THSD7B: variants seen among roughly 807,000 people sequenced by gnomAD.
THSD7B encodes thrombospondin type-1 domain-containing protein 7B.
Under a neutral mutation model 213.6 loss-of-function variants are expected in THSD7B, and 138 were observed. That is an observed-to-expected ratio of 0.65 (90% CI 0.56 to 0.74). The LOEUF is 0.74. Among genes scored for constraint, THSD7B ranks in the 30% least tolerant of loss-of-function variants. The probability of loss-of-function intolerance (pLI) is 0.00; values close to 1 mark genes in which losing one functional copy is unlikely to be tolerated. For missense variants in THSD7B, 1,931 were observed against 1,991.5 expected (o/e 0.97, Z 0.58); for synonymous variants, 742 against 687.0 (o/e 1.08, Z -1.25).
At chr2:137,519,964 C>A (rs558327522) in intron 15 of THSD7B, among the ~76,000 whole-genome samples, 1 of 152,218 alleles carries the variant, frequency 6.6e-6, no homozygotes, top group Admixed American at 6.5e-5. Flanking sequence ...TCCTTTCTGA[C>A]GTGGAAAGAA....
At position 137,088,608 on chromosome 2, in the gene THSD7B, T is replaced by TAA. The variant is rs55700826; in HGVS notation, c.951-6251_951-6250dup. ...ACCAAGAGCCCAAAAGCAAATGCAA[T>TAA]AAAAAAAAAAAAAAATAGCTGGGAC... is the stretch of plus-strand genomic sequence containing the variant. On this transcript the variant is annotated intron_variant, in intron 3 of 27. Transcript: ENST00000409968. 6.3e-3 allele frequency among the ~76,000 whole-genome samples: 883 copies of TAA among 141,088 alleles called. 8 individuals are homozygous for TAA. The highest frequency in any genetic ancestry group is 0.019 in the East Asian group (93 of 4,848). 92.6% of individuals were successfully genotyped at this position (141,088 alleles called of 152,430 possible).
chr2:137,178,347 G>A (rs1194718576), intron 7 of THSD7B, among the ~76,000 whole-genome samples: 2 of 152,160 alleles, frequency 1.3e-5, no homozygotes, highest in African/African-American at 4.8e-5. Flanking sequence ...GCTGTCTTTT[G>A]CAGACCACCA....
At position 137,412,622 on chromosome 2, in the gene THSD7B, A is replaced by AC. The variant is rs1686689364; in HGVS notation, c.2959+750_2959+751insC. Among the ~76,000 whole-genome samples, 2 of 110,636 alleles carry AC rather than the reference A, an allele frequency of 1.8e-5. 1 individual carries two copies. Among genetic ancestry groups the AC allele is most frequent in the Admixed American group, 1.8e-4 (2 of 11,128 alleles). The allele number at this position is 110,636 out of a possible 152,430, so 72.6% of individuals were successfully genotyped here. On this transcript the variant is annotated intron_variant, in intron 14 of 27. Transcript: ENST00000409968. ...CAAAAAAAAAAAAACAAAAAAAAACAAAAAACAGTTTTACTATATAAAGTA... is the reference window on the plus strand; with the variant it reads ...CAAAAAAAAAAAAACAAAAAAAAACACAAAAACAGTTTTACTATATAAAGTA...
At chr2:136,967,091 C>T (rs942737895) in intron 2 of THSD7B, among the ~76,000 whole-genome samples, 8 of 152,116 alleles carry the variant, frequency 5.3e-5, no homozygotes, top group African/African-American at 1.7e-4. Flanking sequence ...TGTCCTCTAC[C>T]GTGCTCAGCA....
At chr2:137,674,688 A>G (rs1683655853) in intron 27 of THSD7B, among the ~76,000 whole-genome samples, 1 of 152,196 alleles carries the variant, frequency 6.6e-6, no homozygotes, top group Non-Finnish European at 1.5e-5. Flanking sequence ...TGAAGGCTGA[A>G]GCTCCCTCTG....
intron 15 of THSD7B, among the ~76,000 whole-genome samples, chr2:137,473,503 A>G (rs995091813): frequency 2.6e-5 from 4 of 152,186 alleles, no homozygotes. Context: ...ATGATGTTCC[A>G]TTATCAGCTA....
chr2:136,804,467 G>A (rs1288320337), intron 1 of THSD7B, among the ~76,000 whole-genome samples: 1 of 150,892 alleles, frequency 6.6e-6, no homozygotes, highest in Non-Finnish European at 1.5e-5. Context: ...TTACATTTGA[G>A]GTTTATTCTT....
intron 1 of THSD7B, among the ~76,000 whole-genome samples, chr2:136,835,710 C>T (rs1183265630): frequency 6.6e-6 from 1 of 152,150 alleles, no homozygotes; most frequent in Admixed American, 6.5e-5. Context: ...CTTCAGTTTC[C>T]TCACAAAGTG....
At chr2:137,164,186 A>G (rs144339120) in intron 6 of THSD7B, among the ~76,000 whole-genome samples, 1 of 152,268 alleles carries the variant, frequency 6.6e-6, no homozygotes, top group Non-Finnish European at 1.5e-5. Context: ...TTGTGCTGAG[A>G]GTAGCTTAAG....
intron 21 of THSD7B, among the ~76,000 whole-genome samples, chr2:137,644,409 C>T (rs999591159): frequency 2.0e-5 from 3 of 152,128 alleles, no homozygotes; most frequent in African/African-American, 7.2e-5. Flanking sequence ...ATCAGAAGCT[C>T]TTCATTGCCA....
intron 2 of THSD7B, among the ~76,000 whole-genome samples, chr2:137,049,232 T>C (rs1687019461): frequency 6.6e-6 from 1 of 152,274 alleles, no homozygotes; most frequent in African/African-American, 2.4e-5. Flanking sequence ...AAGAGACGGG[T>C]GGCGGGGCCT....
intron 1 of THSD7B, among the ~76,000 whole-genome samples, chr2:136,787,072 G>A (rs1186910214): frequency 2.0e-5 from 3 of 152,132 alleles, no homozygotes; most frequent in East Asian, 1.9e-4. Flanking sequence ...AGAAAGCATA[G>A]GGTAATTTTA....
At chr2:137,507,421 C>T (rs1378256669) in intron 15 of THSD7B, among the ~76,000 whole-genome samples, 2 of 152,166 alleles carry the variant, frequency 1.3e-5, no homozygotes, top group Non-Finnish European at 2.9e-5. Flanking sequence ...TTTGAAAATT[C>T]TGGAGTGAAG....
chr2:136,875,637 G>A (rs1004042954), intron 1 of THSD7B, among the ~76,000 whole-genome samples: 31 of 152,208 alleles, frequency 2.0e-4, no homozygotes, highest in South Asian at 1.0e-3. Context: ...GACCACAGGA[G>A]CCCCGTAGTT....
chr2:137,233,212 A>G, intron 9 of THSD7B, 79 bp downstream of exon 9: 5 of 1,340,150 alleles, frequency 3.7e-6, no homozygotes, highest in Non-Finnish European at 5.1e-6. Context: ...TTATCAAGCA[A>G]TAGATATTTC....
chr2:137,564,902 T>C (rs1243913970), intron 16 of THSD7B, among the ~76,000 whole-genome samples: 2 of 152,174 alleles, frequency 1.3e-5, no homozygotes, highest in African/African-American at 4.8e-5. Flanking sequence ...TATGTCTAAG[T>C]TAGAACCCTC....
At chr2:137,383,074 G>C (rs1685812265) in intron 12 of THSD7B, among the ~76,000 whole-genome samples, 1 of 152,204 alleles carries the variant, frequency 6.6e-6, no homozygotes. Flanking sequence ...AATGAGGCTT[G>C]ACCTTGTGGT....
At chr2:137,082,661 A>G (rs937801304) in intron 3 of THSD7B, among the ~76,000 whole-genome samples, 1 of 152,100 alleles carries the variant, frequency 6.6e-6, no homozygotes, top group African/African-American at 2.4e-5. Flanking sequence ...TTTCATCTCT[A>G]TAAAATGAAG....
intron 17 of THSD7B, among the ~76,000 whole-genome samples, chr2:137,575,725 C>CACACACATAT (rs59620213): frequency 9.0e-6 from 1 of 110,816 alleles, no homozygotes; most frequent in Non-Finnish European, 2.0e-5. Flanking sequence ...CCATAACACA[C>CACACACATAT]ATATATATAT....
Sources: gnomAD v4.1 joint callset for allele counts (sites outside exome capture counted in the v4.1 genomes callset) on GRCh38, gnomAD v4.1.1 for gene constraint, MANE v1.5 for transcripts, NCBI Gene and HGNC (gene_info 2026-07-23, HGNC 2026-07-21) for gene names.